The following FGGY variants were observed in gnomAD, a reference collection of about 807,000 sequenced individuals.
FGGY encodes the protein FGGY carbohydrate kinase domain containing.
Under a neutral mutation model 71.3 loss-of-function variants are expected in FGGY, and 72 were observed. The observed-to-expected ratio is 1.01, with a 90% confidence interval of 0.84 to 1.23. The LOEUF is 1.23. Among genes scored for constraint, FGGY ranks in the 50% most tolerant of loss-of-function variants. The pLI, the probability that FGGY is intolerant of heterozygous loss-of-function variation, is 0.00. For missense variants in FGGY, 668 were observed against 682.3 expected, an observed-to-expected ratio of 0.98 and a Z score of 0.23; for synonymous variants, 251 against 250.3, an observed-to-expected ratio of 1.00 and a Z score of -0.02.
At position 59,734,197 on chromosome 1, in the gene FGGY, T is replaced by C. The variant is rs138773660; in HGVS notation, c.1513-23734T>C. Among the ~76,000 whole-genome samples, 37 of 152,326 alleles carry C rather than the reference T, an allele frequency of 2.4e-4. No individual in the cohort carries two copies. In the East Asian group the frequency reaches 6.6e-3, roughly 27 times the overall value. On this transcript the variant is annotated intron_variant, in intron 14 of 15. Coordinates refer to ENST00000303721, the MANE Select transcript of FGGY (RefSeq NM_018291.5). Reference sequence around the variant, plus strand: ...AGGGTTTTGGGGAACAGGTGTTGTATGGTTACATGAATAAGTTCTTTTCTG... The same window carrying C: ...AGGGTTTTGGGGAACAGGTGTTGTACGGTTACATGAATAAGTTCTTTTCTG...
intron 5 of FGGY, among the ~76,000 whole-genome samples, chr1:59,387,682 G>A (rs1361775789): frequency 2.0e-5 from 3 of 152,040 alleles, no homozygotes; most frequent in African/African-American, 2.4e-5. Flanking sequence ...TTTTACCTAC[G>A]TTAATCAGTT....
intron 6 of FGGY, among the ~76,000 whole-genome samples, chr1:59,473,168 T>C (rs1415816446): frequency 6.6e-6 from 1 of 152,142 alleles, no homozygotes; most frequent in East Asian, 1.9e-4. Context: ...TTGGGTCCAC[T>C]TTGCCTTTAT....
Position 59,600,406 on chromosome 1 carries a change from G to A in FGGY, c.904-7397G>A, listed in dbSNP as rs1010519778. ...GTCAAAGGTTCCATGTGGAGCTCAG[G>A]AGCAAGGCCTGAGTGTGGGATAAAA... On this transcript the variant is annotated intron_variant, in intron 8 of 15. Coordinates refer to ENST00000303721, the MANE Select transcript of FGGY (RefSeq NM_018291.5). 2.0e-5 allele frequency among the ~76,000 whole-genome samples: 3 copies of A among 152,166 alleles called. No individual in the cohort carries two copies. In the South Asian group the frequency reaches 6.2e-4, roughly 31 times the overall value.
chr1:59,550,170 C>T (rs373936857), intron 7 of FGGY, among the ~76,000 whole-genome samples: 7 of 152,210 alleles, frequency 4.6e-5, no homozygotes, highest in Admixed American at 2.6e-4. Flanking sequence ...AATAAACTGA[C>T]ACTGGTATGG....
chr1:59,640,830 T>C (rs950951622), intron 11 of FGGY, among the ~76,000 whole-genome samples: 2 of 151,086 alleles, frequency 1.3e-5, no homozygotes, highest in Admixed American at 6.6e-5. Context: ...AATTGTATCA[T>C]AATTATGAGA....
At chr1:59,497,791 C>T (rs922951675) in intron 6 of FGGY, among the ~76,000 whole-genome samples, 4 of 152,192 alleles carry the variant, frequency 2.6e-5, no homozygotes, top group African/African-American at 9.6e-5. Flanking sequence ...GCTCACCCTT[C>T]CTGGAAGTGT....
At chr1:59,364,195 C>T (rs1209772757) in intron 4 of FGGY, among the ~76,000 whole-genome samples, 1 of 152,164 alleles carries the variant, frequency 6.6e-6, no homozygotes, top group East Asian at 1.9e-4. Context: ...CACTGCAGCC[C>T]CCCTCTCCAT....
chr1:59,565,668 G>A (rs2153725624), intron 8 of FGGY, among the ~76,000 whole-genome samples: 1 of 152,294 alleles, frequency 6.6e-6, no homozygotes, highest in South Asian at 2.1e-4. Context: ...ATGAGACACA[G>A]GCTGTGGGAT....
chr1:59,572,395 A>G (rs2096001847), intron 8 of FGGY, among the ~76,000 whole-genome samples: 1 of 152,212 alleles, frequency 6.6e-6, no homozygotes. Context: ...AGAATGCTAC[A>G]AGTAAAGGCT....
intron 10 of FGGY, among the ~76,000 whole-genome samples, chr1:59,634,082 C>T (rs1450070180): frequency 6.6e-6 from 1 of 152,064 alleles, no homozygotes; most frequent in Non-Finnish European, 1.5e-5. Context: ...TAGAATGGAG[C>T]AGGCAGAATG....
chr1:59,429,828 G>A (rs1386300780), intron 5 of FGGY, among the ~76,000 whole-genome samples: 1 of 152,210 alleles, frequency 6.6e-6, no homozygotes, highest in East Asian at 1.9e-4. Context: ...TGGGAGATCT[G>A]GAGTAATAAG....
intron 7 of FGGY, chr1:59,553,804 A>G (rs978032101): frequency 9.5e-6 from 2 of 209,782 alleles, no homozygotes; most frequent in Non-Finnish European, 1.9e-5. Context: ...GCAAATATGT[A>G]GCATAGTGCC....
intron 5 of FGGY, among the ~76,000 whole-genome samples, chr1:59,418,300 A>G (rs1317505299): frequency 6.6e-6 from 1 of 152,216 alleles, no homozygotes; most frequent in Non-Finnish European, 1.5e-5. Context: ...TGTTTCAACT[A>G]TTGAACTGTA....
chr1:59,742,430 C>T (rs2098158809), intron 14 of FGGY, among the ~76,000 whole-genome samples: 1 of 152,228 alleles, frequency 6.6e-6, no homozygotes, highest in Non-Finnish European at 1.5e-5. Context: ...TCTTGATTTC[C>T]CTCCCGCTGT....
chr1:59,468,983 G>A (rs2092797141), intron 6 of FGGY, among the ~76,000 whole-genome samples: 1 of 152,044 alleles, frequency 6.6e-6, no homozygotes, highest in South Asian at 2.1e-4. Flanking sequence ...GTGCAGTATT[G>A]GCTTTGGTCA....
At chr1:59,638,197 C>G in intron 10 of FGGY, 31 bp from the exon 11 acceptor site, 5 of 1,605,928 alleles carry the variant, frequency 3.1e-6, no homozygotes, top group Non-Finnish European at 4.3e-6. Context: ...CCCTATCCCC[C>G]CTTTAAAAAT....
At chr1:59,750,059 C>G (rs750031084) in intron 14 of FGGY, among the ~76,000 whole-genome samples, 2 of 152,166 alleles carry the variant, frequency 1.3e-5, no homozygotes, top group Non-Finnish European at 2.9e-5. Flanking sequence ...TTCAACAACA[C>G]TGAGTAGATA....
chr1:59,368,865 G>A (rs1046789809), intron 4 of FGGY, among the ~76,000 whole-genome samples: 4 of 152,040 alleles, frequency 2.6e-5, no homozygotes, highest in Non-Finnish European at 4.4e-5. Flanking sequence ...GCCGAAGTGG[G>A]TGGATCACAA....
chr1:59,604,385 T>G (rs1423183703), intron 8 of FGGY, among the ~76,000 whole-genome samples: 1 of 152,262 alleles, frequency 6.6e-6, no homozygotes, highest in Non-Finnish European at 1.5e-5. Flanking sequence ...CTAGAAGTAC[T>G]CTTTGTTTCC....
Sources: gnomAD v4.1 joint callset for allele counts (sites outside exome capture counted in the v4.1 genomes callset) on GRCh38, gnomAD v4.1.1 for gene constraint, MANE v1.5 for transcripts, NCBI Gene and HGNC (gene_info 2026-07-23, HGNC 2026-07-21) for gene names.